RIMKLA: variants seen among roughly 807,000 people sequenced by gnomAD.
RIMKLA encodes N-acetylaspartylglutamate synthase A.
In RIMKLA, 14 loss-of-function variants were observed where a neutral mutation model predicts 32.7. The ratio of observed to expected loss-of-function variants is 0.43; its 90% CI spans 0.28 to 0.67. The LOEUF (loss-of-function observed/expected upper bound fraction) is 0.67, where lower values mean the gene tolerates loss of function less well. Among genes scored for constraint, RIMKLA ranks in the 30% least tolerant of loss-of-function variants. RIMKLA has a pLI of 0.18. For synonymous variants in RIMKLA, 176 were observed against 204.1 expected, an observed-to-expected ratio of 0.86 and a Z score of 1.18; for missense variants, 410 against 519.0, an observed-to-expected ratio of 0.79 and a Z score of 2.04.
At chr1:42,405,633 G>A (rs1190426382) in intron 3 of RIMKLA, among the ~76,000 whole-genome samples, 1 of 152,194 alleles carries the variant, frequency 6.6e-6, no homozygotes, top group Non-Finnish European at 1.5e-5. Flanking sequence ...CTGGGCGACA[G>A]AGTGAGACCA....
rs1478877362 is a variant in RIMKLA, at chr1:42,416,227, A to G, written c.*1253A>G. 1 of 152,350 alleles carries G rather than the reference A, an allele frequency of 6.6e-6. No homozygotes were observed. The highest frequency in any genetic ancestry group is 1.9e-4 in the East Asian group (1 of 5,188). 9.4% of individuals were successfully genotyped at this position (152,350 alleles called of 1,614,324 possible). ...CTTATACGAAATATGACTGAAAATGAACAAAGCCACCTTTTTAACCAAATA... is the reference window on the plus strand; with the variant it reads ...CTTATACGAAATATGACTGAAAATGGACAAAGCCACCTTTTTAACCAAATA... On this transcript the variant is annotated 3_prime_UTR_variant, in exon 5 of 5. Transcript: ENST00000431473.
intron 4 of RIMKLA, chr1:42,412,614 A>G (rs578081601): frequency 3.5e-5 from 18 of 511,042 alleles, no homozygotes; most frequent in Admixed American, 5.9e-5. Flanking sequence ...GAGGTTCACA[A>G]CAATTTTCCC....
At chr1:42,387,718 T>C (rs1323898358) in intron 1 of RIMKLA, among the ~76,000 whole-genome samples, 1 of 152,148 alleles carries the variant, frequency 6.6e-6, no homozygotes, top group African/African-American at 2.4e-5. Context: ...AGATATCTAT[T>C]GATGGCCTAG....
intron 1 of RIMKLA, among the ~76,000 whole-genome samples, chr1:42,396,845 C>T (rs1643052489): frequency 6.6e-6 from 1 of 152,168 alleles, no homozygotes; most frequent in Non-Finnish European, 1.5e-5. Flanking sequence ...TATATTATCT[C>T]ACTGTGTAAT....
intron 1 of RIMKLA, among the ~76,000 whole-genome samples, chr1:42,395,852 C>T (rs1403081660): frequency 1.3e-5 from 2 of 152,196 alleles, no homozygotes; most frequent in African/African-American, 4.8e-5. Context: ...ACTGAAGCCA[C>T]ATGAGCAGCT....
rs1305095232 is a variant in RIMKLA, at chr1:42,410,078, G to A, written c.576G>A (p.Val192=). The A allele has an allele frequency of 1.8e-5, 29 of 1,614,086 alleles. No individual in the cohort carries two copies. The highest frequency in any genetic ancestry group is 2.5e-5 in the Non-Finnish European group (29 of 1,180,022). Residue 192 remains valine, a synonymous_variant, in exon 4 of 5, where the codon GTG becomes GTA. Coordinates refer to ENST00000431473, the MANE Select transcript of RIMKLA (RefSeq NM_173642.4). ...TGCCCTACCTGTTCCAGAAGTACGT[G>A]AAGGAGTCCCATGGAAAGGACATCC... The part of the protein sequence containing the change: ...HDVPYLFQKY[V]KESHGKDIRV...
At chr1:42,387,949 C>T (rs1289916673) in intron 1 of RIMKLA, among the ~76,000 whole-genome samples, 4 of 152,064 alleles carry the variant, frequency 2.6e-5, no homozygotes, top group Non-Finnish European at 5.9e-5. Context: ...CCGGAGTGGT[C>T]CTCACCCAGA....
In RIMKLA at chr1:42,418,195, C is replaced by T. The variant is rs1167212355; in HGVS notation, c.*3221C>T. On this transcript the variant is annotated 3_prime_UTR_variant, in exon 5 of 5. Coordinates refer to ENST00000431473, the MANE Select transcript of RIMKLA (RefSeq NM_173642.4). The stretch of plus-strand genomic sequence containing the variant: ...TTGCAGTGTCTGTATATGGTCTTCC[C>T]ATTATCTGGTAGTAGCATCTTGAAA... 6.6e-6 allele frequency: 1 copy of T among 152,186 alleles called. No individual in the cohort carries two copies. Among genetic ancestry groups the T allele is most frequent in the Non-Finnish European group, 1.5e-5 (1 of 68,046 alleles). The allele number at this position is 152,186 out of a possible 1,614,324, so 9.4% of individuals were successfully genotyped here. A position where few individuals can be genotyped will look rare whatever the true frequency, so the allele number is the denominator to read the frequency against.
At chr1:42,406,209 C>CA (rs796074803) in intron 3 of RIMKLA, among the ~76,000 whole-genome samples, 1 of 151,850 alleles carries the variant, frequency 6.6e-6, no homozygotes. Flanking sequence ...TTTTGGAAAT[C>CA]AAAAAAATGA....
intron 4 of RIMKLA, among the ~76,000 whole-genome samples, chr1:42,411,101 A>G (rs1464521672): frequency 6.6e-6 from 1 of 152,186 alleles, no homozygotes; most frequent in Admixed American, 6.5e-5. Flanking sequence ...AGGCCAAGGC[A>G]GGAGTATCAC....
At chr1:42,405,447 A>G (rs978011044) in intron 3 of RIMKLA, among the ~76,000 whole-genome samples, 1 of 152,186 alleles carries the variant, frequency 6.6e-6, no homozygotes, top group African/African-American at 2.4e-5. Flanking sequence ...GACATCAGCA[A>G]CAGAAAGGAG....
chr1:42,400,483 GA>G (rs1330325164), intron 2 of RIMKLA, among the ~76,000 whole-genome samples: 1 of 152,240 alleles, frequency 6.6e-6, no homozygotes, highest in African/African-American at 2.4e-5. Context: ...CAGTGGGAAT[GA>G]AGATGTGTGA....
chr1:42,399,665 A>C lies in RIMKLA; in HGVS notation c.394+31A>C, dbSNP rs755741928. The C allele has an allele frequency of 1.4e-5, 18 of 1,319,762 alleles. No individual in the cohort carries two copies. In the African/African-American group the frequency reaches 2.3e-4, roughly 17 times the overall value. The allele number at this position is 1,319,762 out of a possible 1,614,324, so 81.8% of individuals were successfully genotyped here. A position where few individuals can be genotyped will look rare whatever the true frequency, so the allele number is the denominator to read the frequency against. On this transcript the variant is annotated intron_variant, in intron 2 of 4. Coordinates refer to ENST00000431473, the MANE Select transcript of RIMKLA (RefSeq NM_173642.4). ...TCAGCTTGAAATAGCTTCCCAAATC[A>C]TGTGCATCTCTGTTTTCTTTCCTTA...
At chr1:42,398,763 G>A (rs1446028426) in intron 1 of RIMKLA, among the ~76,000 whole-genome samples, 1 of 152,018 alleles carries the variant, frequency 6.6e-6, no homozygotes, top group African/African-American at 2.4e-5. Flanking sequence ...GCTCAGGAGT[G>A]TGAGATCAGC....
rs373650990 is a variant in RIMKLA, at chr1:42,421,230, C to T, written c.*6256C>T. 2.0e-5 allele frequency: 3 copies of T among 152,274 alleles called. No homozygotes were observed. The highest frequency in any genetic ancestry group is 7.2e-5 in the African/African-American group (3 of 41,456). 9.4% of individuals were successfully genotyped at this position (152,274 alleles called of 1,614,324 possible). ...TCAGACAACTGGGGGGCTGGAAAGCCGACCTGGAAAGCAGCCTGACCTTGG... is the reference window on the plus strand; with the variant it reads ...TCAGACAACTGGGGGGCTGGAAAGCTGACCTGGAAAGCAGCCTGACCTTGG... On this transcript the variant is annotated 3_prime_UTR_variant, in exon 5 of 5. Coordinates refer to ENST00000431473, the MANE Select transcript of RIMKLA (RefSeq NM_173642.4). This position sits in a 1 kb window ranked among gnomAD's most constrained non-coding sequence, Gnocchi z 4.6.
intron 3 of RIMKLA, among the ~76,000 whole-genome samples, chr1:42,408,191 C>T (rs1219278200): frequency 1.3e-5 from 2 of 152,146 alleles, no homozygotes; most frequent in African/African-American, 4.8e-5. Context: ...CCATTTTCCT[C>T]TTGTGACCCC....
chr1:42,411,704 C>T (rs866738772), intron 4 of RIMKLA, among the ~76,000 whole-genome samples: 24 of 151,526 alleles, frequency 1.6e-4, no homozygotes, highest in Admixed American at 9.2e-4. Flanking sequence ...GACAGAGTCT[C>T]GCTCTGTCAC....
chr1:42,401,897 C>T (rs1643100453), intron 2 of RIMKLA, among the ~76,000 whole-genome samples: 1 of 152,092 alleles, frequency 6.6e-6, no homozygotes, highest in African/African-American at 2.4e-5. Flanking sequence ...AGAGAGGGTG[C>T]AAAATCCCTG....
rs926616387 is a variant in RIMKLA, at chr1:42,422,742, G to A, written c.*7768G>A. Among the ~76,000 whole-genome samples the A allele has an allele frequency of 2.0e-5, 3 of 152,132 alleles. No homozygotes were observed. Among genetic ancestry groups the A allele is most frequent in the Non-Finnish European group, 2.9e-5 (2 of 68,032 alleles). ...CCCTATTCACTTGCACACCAGCTGC[G>A]TTCTGAAAAACTATAATTTTCCTTT... On this transcript the variant is annotated 3_prime_UTR_variant, in exon 5 of 5. Transcript: ENST00000431473.
Sources: allele counts gnomAD v4.1 joint callset (sites outside exome capture counted in the v4.1 genomes callset), GRCh38; gene constraint gnomAD v4.1.1; non-coding constraint Gnocchi (gnomAD v3.1); transcripts MANE v1.5; gene names NCBI Gene and HGNC (gene_info 2026-07-23, HGNC 2026-07-21).